CSMD3: variants seen among roughly 807,000 people sequenced by gnomAD.
CSMD3 encodes the protein CUB and sushi domain-containing protein 3.
In CSMD3, 177 loss-of-function variants were observed where a neutral mutation model predicts 435.2. The observed-to-expected ratio is 0.41, with a 90% confidence interval of 0.36 to 0.46. The LOEUF (loss-of-function observed/expected upper bound fraction) is 0.46, where lower values mean the gene tolerates loss of function less well. Ranked by LOEUF, CSMD3 falls within the 20% of genes least tolerant of loss-of-function variation. The pLI is 0.34. For synonymous variants in CSMD3, 1,656 were observed against 1,520.5 expected, an observed-to-expected ratio of 1.09 and a Z score of -2.07; for missense variants, 4,265 against 4,504.6, an observed-to-expected ratio of 0.95 and a Z score of 1.52.
chr8:113,379,883 C>A (rs2094407720), intron 1 of CSMD3, among the ~76,000 whole-genome samples: 1 of 152,144 alleles, frequency 6.6e-6, no homozygotes, highest in South Asian at 2.1e-4. Context: ...TACACCCTTC[C>A]TGTTTATCAG....
chr8:113,126,954 T>G (rs572141518), intron 4 of CSMD3, among the ~76,000 whole-genome samples: 1 of 152,116 alleles, frequency 6.6e-6, no homozygotes, highest in Non-Finnish European at 1.5e-5. Context: ...TACATAACCC[T>G]TAACTTTTGC....
intron 4 of CSMD3, among the ~76,000 whole-genome samples, chr8:113,156,026 G>C (rs2091921587): frequency 6.6e-6 from 1 of 152,072 alleles, no homozygotes; most frequent in South Asian, 2.1e-4. Context: ...TCACTCATTT[G>C]CTCAATTTTT....
At chr8:112,754,239 C>G (rs1043111407) in intron 13 of CSMD3, among the ~76,000 whole-genome samples, 1 of 152,092 alleles carries the variant, frequency 6.6e-6, no homozygotes, top group Non-Finnish European at 1.5e-5. Context: ...GCTGTAAGGC[C>G]GGATGTAATC....
At chr8:112,654,024 A>G (rs2075197701) in intron 18 of CSMD3, among the ~76,000 whole-genome samples, 1 of 138,962 alleles carries the variant, frequency 7.2e-6, no homozygotes, top group Non-Finnish European at 1.6e-5. Flanking sequence ...GGGGTAAAAA[A>G]AAAGAATGGG....
intron 2 of CSMD3, among the ~76,000 whole-genome samples, chr8:113,301,228 C>A (rs1048224526): frequency 6.6e-6 from 1 of 151,906 alleles, no homozygotes; most frequent in African/African-American, 2.4e-5. Context: ...TAGTGGTAGG[C>A]TTATTGGTGC....
intron 4 of CSMD3, among the ~76,000 whole-genome samples, chr8:113,111,385 T>A (rs1237390361): frequency 6.6e-6 from 1 of 152,166 alleles, no homozygotes; most frequent in East Asian, 1.9e-4. Flanking sequence ...TGACTTATTT[T>A]GAAATATACA....
At chr8:113,020,568 G>T (rs1458960052) in intron 5 of CSMD3, among the ~76,000 whole-genome samples, 1 of 152,112 alleles carries the variant, frequency 6.6e-6, no homozygotes, top group African/African-American at 2.4e-5. Context: ...CTATTACATA[G>T]TTAGGAAGAG....
At chr8:112,501,132 C>T (rs1444974339) in intron 30 of CSMD3, among the ~76,000 whole-genome samples, 2 of 151,626 alleles carry the variant, frequency 1.3e-5, no homozygotes. Flanking sequence ...AACCTCTGCC[C>T]CTAAACTCAC....
At chr8:112,365,591 T>A (rs1047317360) in intron 38 of CSMD3, among the ~76,000 whole-genome samples, 3 of 150,072 alleles carry the variant, frequency 2.0e-5, no homozygotes, top group African/African-American at 7.3e-5. Context: ...AATTCCCCTA[T>A]CAGAGCAACA....
At chr8:112,536,468 T>G (rs1452274292) in intron 27 of CSMD3, among the ~76,000 whole-genome samples, 2 of 152,024 alleles carry the variant, frequency 1.3e-5, no homozygotes, top group African/African-American at 4.8e-5. Flanking sequence ...AAAACCACAA[T>G]GAGATACCAT....
intron 32 of CSMD3, among the ~76,000 whole-genome samples, chr8:112,441,157 C>G (rs1369303166): frequency 6.6e-6 from 1 of 152,126 alleles, no homozygotes; most frequent in East Asian, 1.9e-4. Flanking sequence ...TATATCATCT[C>G]TCTCAAGTTC....
chr8:113,290,201 A>T (rs184229928), intron 2 of CSMD3, among the ~76,000 whole-genome samples: 30 of 151,788 alleles, frequency 2.0e-4, no homozygotes, highest in South Asian at 4.1e-4. Context: ...AAATATTTTT[A>T]AAAAATATAT....
intron 39 of CSMD3, among the ~76,000 whole-genome samples, chr8:112,351,880 C>T (rs1410371223): frequency 6.6e-6 from 1 of 151,164 alleles, no homozygotes; most frequent in African/African-American, 2.4e-5. Context: ...TTACTATAAA[C>T]CTGGGACCCT....
intron 3 of CSMD3, among the ~76,000 whole-genome samples, chr8:113,266,751 A>C (rs1292368579): frequency 6.6e-6 from 1 of 151,648 alleles, no homozygotes; most frequent in Admixed American, 6.6e-5. Flanking sequence ...TTTTTCTATA[A>C]TGTTTTAATT....
At chr8:113,083,482 C>A (rs2089643728) in intron 5 of CSMD3, among the ~76,000 whole-genome samples, 1 of 151,746 alleles carries the variant, frequency 6.6e-6, no homozygotes, top group Non-Finnish European at 1.5e-5. Context: ...AATTCATCAC[C>A]CCTATAATGG....
At position 112,986,335 on chromosome 8, in the gene CSMD3, C is replaced by T. The variant is rs570044510; in HGVS notation, c.1031-10187G>A. ...ACAAACTCTGAAAATTTTCTACATACCAAGTAAAAACTAGTAACAAATATT... is the reference window on the plus strand; with the variant it reads ...ACAAACTCTGAAAATTTTCTACATATCAAGTAAAAACTAGTAACAAATATT... On this transcript the variant is annotated intron_variant, in intron 6 of 70. Transcript: ENST00000297405. Among the ~76,000 whole-genome samples the T allele has an allele frequency of 3.9e-5, 6 of 152,124 alleles. No homozygotes were observed. The East Asian group carries it at 5.8e-4, about 15-fold the overall frequency.
chr8:113,338,326 C>T (rs1007192764), intron 1 of CSMD3, among the ~76,000 whole-genome samples: 3 of 151,836 alleles, frequency 2.0e-5, no homozygotes, highest in Non-Finnish European at 4.4e-5. Context: ...AAATAATTTG[C>T]AAATTCCTCA....
At chr8:112,283,822 G>T (rs1468003004) in intron 58 of CSMD3, among the ~76,000 whole-genome samples, 9 of 151,488 alleles carry the variant, frequency 5.9e-5, no homozygotes, top group Non-Finnish European at 7.4e-5. Flanking sequence ...ATAATTTCTG[G>T]ATCATATTTT....
chr8:112,525,041 C>A (rs967598587), intron 27 of CSMD3, among the ~76,000 whole-genome samples: 1 of 151,586 alleles, frequency 6.6e-6, no homozygotes, highest in East Asian at 1.9e-4. Context: ...TCATCATAAG[C>A]CATACTATTT....
Sources: allele counts gnomAD v4.1 joint callset (sites outside exome capture counted in the v4.1 genomes callset), GRCh38; gene constraint gnomAD v4.1.1; transcripts MANE v1.5; gene names NCBI Gene and HGNC (gene_info 2026-07-23, HGNC 2026-07-21).